The following PPP3CA variants were observed in gnomAD, a reference collection of about 807,000 sequenced individuals.
PPP3CA encodes the protein protein phosphatase 3 catalytic subunit alpha, also known as CAM-PRP catalytic subunit.
A neutral mutation model predicts 66.5 loss-of-function variants in PPP3CA; 14 were observed. The observed-to-expected ratio is 0.21, with a 90% CI of 0.14 to 0.33. PPP3CA has a LOEUF of 0.33. Ranked by LOEUF, PPP3CA falls within the 10% of genes least tolerant of loss-of-function variation. The pLI is 1.00. For missense variants in PPP3CA, 317 were observed against 639.5 expected (o/e 0.50, Z 5.44); for synonymous variants, 232 against 226.2 (o/e 1.03, Z -0.23).
chr4:101,237,808 C>G (rs1726175615), intron 1 of PPP3CA, among the ~76,000 whole-genome samples: 1 of 152,056 alleles, frequency 6.6e-6, no homozygotes, highest in Non-Finnish European at 1.5e-5. Flanking sequence ...CCTTCAGAAT[C>G]AAGGATATCC....
intron 1 of PPP3CA, among the ~76,000 whole-genome samples, chr4:101,213,493 T>C (rs760761046): frequency 6.6e-6 from 1 of 152,130 alleles, no homozygotes; most frequent in Non-Finnish European, 1.5e-5. Flanking sequence ...GCGGTCTTAA[T>C]TTGGCTGCTC....
intron 11 of PPP3CA, 60 bp downstream of exon 11, chr4:101,040,422 G>A (rs943007880): frequency 1.7e-6 from 2 of 1,159,082 alleles, no homozygotes; most frequent in East Asian, 2.6e-5. Flanking sequence ...AAGTATTAAA[G>A]TATTTATTAG....
chr4:101,339,889 A>G (rs1340693646), intron 1 of PPP3CA, among the ~76,000 whole-genome samples: 1 of 152,234 alleles, frequency 6.6e-6, no homozygotes, highest in Non-Finnish European at 1.5e-5. Context: ...CTGATATTAC[A>G]TAGAAAGAAC....
intron 1 of PPP3CA, among the ~76,000 whole-genome samples, chr4:101,264,885 A>C (rs1040198298): frequency 6.6e-6 from 1 of 152,150 alleles, no homozygotes; most frequent in Non-Finnish European, 1.5e-5. Context: ...GGTAGCAGGG[A>C]AAAGTCAGAT....
intron 1 of PPP3CA, among the ~76,000 whole-genome samples, chr4:101,226,787 T>A (rs368832837): frequency 6.6e-6 from 1 of 151,692 alleles, no homozygotes; most frequent in East Asian, 1.9e-4. Flanking sequence ...AAATCTCTCA[T>A]GTAAGAACAT....
At chr4:101,269,950 G>A (rs891197216) in intron 1 of PPP3CA, among the ~76,000 whole-genome samples, 1 of 152,108 alleles carries the variant, frequency 6.6e-6, no homozygotes, top group Non-Finnish European at 1.5e-5. Context: ...AACCTCTGTG[G>A]CATACAGCTG....
At chr4:101,131,252 AT>A (rs1324147919) in intron 2 of PPP3CA, among the ~76,000 whole-genome samples, 1 of 148,446 alleles carries the variant, frequency 6.7e-6, no homozygotes, top group Non-Finnish European at 1.5e-5. Flanking sequence ...AAATAAATAA[AT>A]AAATAAATAA....
chr4:101,185,887 A>G (rs1724394552), intron 2 of PPP3CA, among the ~76,000 whole-genome samples: 1 of 152,128 alleles, frequency 6.6e-6, no homozygotes, highest in Non-Finnish European at 1.5e-5. Flanking sequence ...CTATGTCTCA[A>G]TCTTCTCATC....
At chr4:101,050,508 T>C (rs1189644741) in intron 10 of PPP3CA, among the ~76,000 whole-genome samples, 1 of 152,178 alleles carries the variant, frequency 6.6e-6, no homozygotes, top group African/African-American at 2.4e-5. Context: ...TTTCCTTATC[T>C]ATAAAGTGAG....
At chr4:101,162,059 G>A (rs1172637398) in intron 2 of PPP3CA, among the ~76,000 whole-genome samples, 1 of 152,122 alleles carries the variant, frequency 6.6e-6, no homozygotes, top group Non-Finnish European at 1.5e-5. Context: ...GGCCAACATG[G>A]CGAAATCCCA....
intron 2 of PPP3CA, among the ~76,000 whole-genome samples, chr4:101,141,650 T>G (rs765798353): frequency 3.3e-5 from 5 of 152,198 alleles, no homozygotes; most frequent in African/African-American, 1.2e-4. Context: ...CTGATCCCCA[T>G]CTCTTGTATT....
chr4:101,203,161 G>A (rs1725021374), intron 1 of PPP3CA, among the ~76,000 whole-genome samples: 1 of 152,150 alleles, frequency 6.6e-6, no homozygotes, highest in Non-Finnish European at 1.5e-5. Flanking sequence ...AATCTGAAAT[G>A]TGCTACAAGC....
At chr4:101,131,272 AT>A (rs1480149173) in intron 2 of PPP3CA, among the ~76,000 whole-genome samples, 3 of 150,434 alleles carry the variant, frequency 2.0e-5, no homozygotes, top group African/African-American at 7.3e-5. Context: ...AAATAAATAA[AT>A]AAATAAAATA....
chr4:101,207,108 G>A (rs1725154765), intron 1 of PPP3CA, among the ~76,000 whole-genome samples: 1 of 152,118 alleles, frequency 6.6e-6, no homozygotes, highest in Non-Finnish European at 1.5e-5. Flanking sequence ...TGAATGCAGG[G>A]TCACAAATAA....
rs1441344853 is a variant in PPP3CA at position 101,047,924 on chromosome 4, CA to C, written c.1157-7359del. Among the ~76,000 whole-genome samples, 8 of 152,092 alleles carry C rather than the reference CA, an allele frequency of 5.3e-5. No homozygotes were observed. The East Asian group carries it at 1.2e-3, about 22-fold the overall frequency. Reference sequence around the variant, plus strand: ...TCCTAACTGAGATAGAGAGCACTAACATATGATAATTATTCATAAATATTAA... The same window carrying C: ...TCCTAACTGAGATAGAGAGCACTAACTATGATAATTATTCATAAATATTAA... On this transcript the variant is annotated intron_variant, in intron 10 of 13. Transcript: ENST00000394854.
Position 101,024,049 on chromosome 4 carries a change from T to A in PPP3CA, c.*1816A>T, listed in dbSNP as rs2110199085. On this transcript the variant is annotated 3_prime_UTR_variant, in exon 14 of 14. Transcript: ENST00000394854. ...ATAACAAATTAATTTTATTTTTCAATAAAAAGGAATGCTCTGGTTTTTTAA... is the reference window on the plus strand; with the variant it reads ...ATAACAAATTAATTTTATTTTTCAAAAAAAAGGAATGCTCTGGTTTTTTAA... 6.6e-6 allele frequency: 1 copy of A among 152,374 alleles called. No individual in the cohort carries two copies. The highest frequency in any genetic ancestry group is 6.5e-5 in the Admixed American group (1 of 15,306). The allele number at this position is 152,374 out of a possible 1,614,324, so 9.4% of individuals were successfully genotyped here.
chr4:101,176,488 GC>G (rs1724063933), intron 2 of PPP3CA, among the ~76,000 whole-genome samples: 1 of 152,164 alleles, frequency 6.6e-6, no homozygotes, highest in Admixed American at 6.6e-5. Context: ...GCACTTTCCA[GC>G]TGTGAGTGGC....
intron 2 of PPP3CA, among the ~76,000 whole-genome samples, chr4:101,133,788 G>GAC: frequency 6.6e-6 from 1 of 152,052 alleles, no homozygotes; most frequent in East Asian, 1.9e-4. Context: ...ATATAACCAA[G>GAC]ACAATCCTAA....
chr4:101,237,068 C>T (rs1726153984), intron 1 of PPP3CA, among the ~76,000 whole-genome samples: 1 of 149,430 alleles, frequency 6.7e-6, no homozygotes, highest in South Asian at 2.2e-4. Context: ...GCAACTAGAT[C>T]ATTAAAATCA....
Sources: gnomAD v4.1 joint callset for allele counts (sites outside exome capture counted in the v4.1 genomes callset) on GRCh38, gnomAD v4.1.1 for gene constraint, MANE v1.5 for transcripts, NCBI Gene and HGNC (gene_info 2026-07-23, HGNC 2026-07-21) for gene names.